The following PID1 variants were observed in gnomAD, a reference collection of about 807,000 sequenced individuals.
The protein encoded by PID1 is phosphotyrosine interaction domain containing 1, also known as PTB-containing, cubilin and LRP1-interacting protein.
A neutral mutation model predicts 19.1 loss-of-function variants in PID1; 10 were observed. The ratio of observed to expected loss-of-function variants is 0.52; its 90% CI spans 0.32 to 0.89. The LOEUF (loss-of-function observed/expected upper bound fraction) is 0.89, where lower values mean the gene tolerates loss of function less well. PID1 is among the 40% of genes least tolerant of loss of function. The probability of loss-of-function intolerance (pLI) is 0.03; values close to 1 mark genes in which losing one functional copy is unlikely to be tolerated. For missense variants in PID1, 248 were observed against 285.3 expected, an observed-to-expected ratio of 0.87 and a Z score of 0.94; for synonymous variants, 130 against 116.0, an observed-to-expected ratio of 1.12 and a Z score of -0.78.
At chr2:229,090,388 A>G (rs1037173165) in intron 2 of PID1, among the ~76,000 whole-genome samples, 6 of 152,304 alleles carry the variant, frequency 3.9e-5, no homozygotes, top group Middle Eastern at 3.4e-3. Flanking sequence ...TCAGGCACTG[A>G]TGAAAGTCAT....
intron 1 of PID1, among the ~76,000 whole-genome samples, chr2:229,162,993 T>G (rs1007039535): frequency 6.6e-6 from 1 of 152,230 alleles, no homozygotes; most frequent in Non-Finnish European, 1.5e-5. Context: ...ATTTAACAAC[T>G]AATTTGTATA....
chr2:229,070,589 C>T (rs76258473), intron 2 of PID1, among the ~76,000 whole-genome samples: 3,566 of 152,210 alleles, frequency 0.023, 145 homozygotes, highest in African/African-American at 0.083. Flanking sequence ...ACCCAAAATT[C>T]GGTTCCAATG....
intron 2 of PID1, among the ~76,000 whole-genome samples, chr2:229,144,795 A>C (rs778952465): frequency 1.3e-4 from 20 of 152,132 alleles, no homozygotes; most frequent in Admixed American, 3.3e-4. Context: ...TGAGGTGTGC[A>C]GAAGGGATGA....
chr2:229,170,871 C>T (rs1489102515), intron 1 of PID1, among the ~76,000 whole-genome samples: 2 of 152,118 alleles, frequency 1.3e-5, no homozygotes, highest in African/African-American at 2.4e-5. Flanking sequence ...AATGAGGACA[C>T]AGAGCAGAGA....
At chr2:229,143,380 A>G (rs1690060265) in intron 2 of PID1, among the ~76,000 whole-genome samples, 1 of 152,054 alleles carries the variant, frequency 6.6e-6, no homozygotes. Flanking sequence ...TGATATTTTG[A>G]CCTAATCTAC....
intron 2 of PID1, among the ~76,000 whole-genome samples, chr2:229,077,128 A>G (rs1694574177): frequency 6.6e-6 from 1 of 152,196 alleles, no homozygotes; most frequent in South Asian, 2.1e-4. Context: ...TTTGATGTGC[A>G]TGTCTCTAAT....
intron 2 of PID1, among the ~76,000 whole-genome samples, chr2:229,152,484 G>A (rs545988667): frequency 6.6e-6 from 1 of 152,204 alleles, no homozygotes; most frequent in African/African-American, 2.4e-5. Flanking sequence ...TTCAATAAAT[G>A]TTTGCTAACA....
chr2:229,032,879 T>C (rs1693585354), intron 2 of PID1, among the ~76,000 whole-genome samples: 1 of 151,974 alleles, frequency 6.6e-6, no homozygotes, highest in Non-Finnish European at 1.5e-5. Context: ...ACTGTGAAAA[T>C]ATAGAGAGGC....
chr2:229,221,825 C>T (rs1409255750), intron 1 of PID1, among the ~76,000 whole-genome samples: 2 of 152,192 alleles, frequency 1.3e-5, no homozygotes, highest in African/African-American at 2.4e-5. Context: ...TCCTCTTAAC[C>T]ACATCCATCC....
intron 1 of PID1, among the ~76,000 whole-genome samples, chr2:229,185,447 GATA>G (rs1417301467): frequency 6.6e-6 from 1 of 152,072 alleles, no homozygotes; most frequent in East Asian, 1.9e-4. Context: ...TCATGCTGCT[GATA>G]AAGACATACC....
chr2:229,181,761 G>T (rs182002937), intron 1 of PID1, among the ~76,000 whole-genome samples: 343 of 152,266 alleles, frequency 2.3e-3, no homozygotes, highest in Middle Eastern at 6.8e-3. Flanking sequence ...CATTATCAGA[G>T]ATGTCTCTCA....
chr2:229,193,508 T>C (rs1432931553), intron 1 of PID1, among the ~76,000 whole-genome samples: 1 of 152,130 alleles, frequency 6.6e-6, no homozygotes, highest in African/African-American at 2.4e-5. Flanking sequence ...CATCTCCAAA[T>C]GGAAGAAGTA....
intron 2 of PID1, among the ~76,000 whole-genome samples, chr2:229,032,582 C>A (rs1436037272): frequency 6.6e-6 from 1 of 152,150 alleles, no homozygotes; most frequent in Admixed American, 6.5e-5. Flanking sequence ...CCTTCACCAC[C>A]CAGGGTGCTG....
chr2:229,034,757 A>C (rs190598318), intron 2 of PID1, among the ~76,000 whole-genome samples: 1 of 149,580 alleles, frequency 6.7e-6, no homozygotes, highest in Non-Finnish European at 1.5e-5. Context: ...TTTATTGTGT[A>C]TATATATATA....
intron 2 of PID1, among the ~76,000 whole-genome samples, chr2:229,116,973 C>G (rs935261853): frequency 4.6e-5 from 7 of 152,168 alleles, no homozygotes; most frequent in African/African-American, 1.4e-4. Context: ...AGCCAAACAA[C>G]TGTTCCTTGG....
chr2:229,032,908 G>T (rs188350078), intron 2 of PID1, among the ~76,000 whole-genome samples: 2 of 152,104 alleles, frequency 1.3e-5, no homozygotes, highest in African/African-American at 4.8e-5. Context: ...CAAGGGACCC[G>T]CCAGAGTGTC....
chr2:229,050,378 T>A (rs957779548), intron 2 of PID1, among the ~76,000 whole-genome samples: 3 of 152,128 alleles, frequency 2.0e-5, no homozygotes, highest in African/African-American at 7.2e-5. Flanking sequence ...CCATCCTAAA[T>A]CAAGGGCTCA....
intron 2 of PID1, among the ~76,000 whole-genome samples, chr2:229,031,393 C>T (rs574638091): frequency 2.2e-4 from 34 of 151,664 alleles, no homozygotes; most frequent in Admixed American, 7.2e-4. Context: ...CCCATCTCTA[C>T]GAAAAATACA....
intron 1 of PID1, among the ~76,000 whole-genome samples, chr2:229,176,461 T>G (rs1690826339): frequency 1.3e-5 from 2 of 152,180 alleles, no homozygotes; most frequent in South Asian, 4.1e-4. Flanking sequence ...GCCTCCAAGT[T>G]CAAAACCTTA....
Sources: gnomAD v4.1 joint callset for allele counts (sites outside exome capture counted in the v4.1 genomes callset) on GRCh38, gnomAD v4.1.1 for gene constraint, MANE v1.5 for transcripts, NCBI Gene and HGNC (gene_info 2026-07-23, HGNC 2026-07-21) for gene names.